CSMD1: variants seen among roughly 807,000 people sequenced by gnomAD.
The protein encoded by CSMD1 is CUB and Sushi multiple domains 1.
A neutral mutation model predicts 417.5 loss-of-function variants in CSMD1; 213 were observed. That is an observed-to-expected ratio of 0.51 (90% CI 0.46 to 0.57). The LOEUF (loss-of-function observed/expected upper bound fraction) is 0.57. Among genes scored for constraint, CSMD1 ranks in the 20% least tolerant of loss-of-function variants. CSMD1 has a pLI of 0.00. For missense variants in CSMD1, 6,923 were observed against 4,529.7 expected, an observed-to-expected ratio of 1.53 and a Z score of -15.17; for synonymous variants, 2,862 against 1,736.8, an observed-to-expected ratio of 1.65 and a Z score of -16.11.
intron 3 of CSMD1, among the ~76,000 whole-genome samples, chr8:4,215,449 T>G (rs1315441836): frequency 6.6e-6 from 1 of 152,078 alleles, no homozygotes; most frequent in African/African-American, 2.4e-5. Flanking sequence ...CAATGCTTCC[T>G]GAATATTTTA....
rs371665940 is a variant in CSMD1, at chr8:4,972,513, C to T, written c.85+21819G>A. Among the ~76,000 whole-genome samples the T allele has an allele frequency of 3.9e-4, 60 of 152,178 alleles. No individual in the cohort carries two copies. In the South Asian group the frequency reaches 5.8e-3, roughly 15 times the overall value. On this transcript the variant is annotated intron_variant, in intron 1 of 69. Transcript: ENST00000635120. Reference sequence around the variant, plus strand: ...AGAAGGTGCCTGACTTCCCCTTCACCTGCCATGATTGTAAGTTTCCTGAAG... The same window carrying T: ...AGAAGGTGCCTGACTTCCCCTTCACTTGCCATGATTGTAAGTTTCCTGAAG...
At chr8:4,107,898 C>G (rs73658575) in intron 3 of CSMD1, among the ~76,000 whole-genome samples, 1 of 152,204 alleles carries the variant, frequency 6.6e-6, no homozygotes, top group African/African-American at 2.4e-5. Context: ...TTCCTAAATA[C>G]AAACTGAAAC....
intron 3 of CSMD1, among the ~76,000 whole-genome samples, chr8:4,167,164 G>C (rs979703871): frequency 6.6e-6 from 1 of 152,086 alleles, no homozygotes; most frequent in African/African-American, 2.4e-5. Context: ...ACCTACTTCT[G>C]AAGTAGAAAA....
chr8:3,111,790 C>G (rs1267957852), intron 42 of CSMD1, among the ~76,000 whole-genome samples: 1 of 152,004 alleles, frequency 6.6e-6, no homozygotes, highest in South Asian at 2.1e-4. Context: ...CGAGATTGTG[C>G]CATTGCACTC....
At chr8:4,586,471 T>C (rs1159957687) in intron 2 of CSMD1, among the ~76,000 whole-genome samples, 1 of 152,186 alleles carries the variant, frequency 6.6e-6, no homozygotes, top group African/African-American at 2.4e-5. Flanking sequence ...TATTTACTGG[T>C]TTAATGATAA....
intron 49 of CSMD1, among the ~76,000 whole-genome samples, chr8:3,068,141 G>A (rs961183719): frequency 2.0e-5 from 3 of 151,968 alleles, no homozygotes; most frequent in Non-Finnish European, 4.4e-5. Flanking sequence ...TTGAACAGAG[G>A]TTCAAACACT....
intron 3 of CSMD1, among the ~76,000 whole-genome samples, chr8:4,163,949 C>A (rs542568793): frequency 6.6e-6 from 1 of 152,188 alleles, no homozygotes; most frequent in South Asian, 2.1e-4. Context: ...GTTTTCCAGG[C>A]TTCTCAAATT....
At chr8:4,859,226 A>T (rs1005358916) in intron 1 of CSMD1, among the ~76,000 whole-genome samples, 7 of 152,000 alleles carry the variant, frequency 4.6e-5, no homozygotes, top group Non-Finnish European at 1.0e-4. Flanking sequence ...TAGAAAGCTG[A>T]AACTGGATCC....
chr8:4,602,623 G>T (rs1289547162), intron 2 of CSMD1, among the ~76,000 whole-genome samples: 1 of 152,196 alleles, frequency 6.6e-6, no homozygotes, highest in Non-Finnish European at 1.5e-5. Context: ...AAAGAAGTTT[G>T]AAGGCGTATT....
At chr8:4,530,357 G>C (rs943921010) in intron 2 of CSMD1, among the ~76,000 whole-genome samples, 3 of 81,770 alleles carry the variant, frequency 3.7e-5, no homozygotes, top group Non-Finnish European at 5.2e-5. Context: ...TTTCAGTGCT[G>C]GGATACACTT....
chr8:3,856,470 A>G (rs184357966), intron 5 of CSMD1, among the ~76,000 whole-genome samples: 6 of 152,304 alleles, frequency 3.9e-5, no homozygotes, highest in Non-Finnish European at 7.3e-5. Context: ...ATGCTGCCCT[A>G]TGAGTTCTTA....
chr8:3,761,217 C>T (rs993678755), intron 5 of CSMD1, among the ~76,000 whole-genome samples: 2 of 151,968 alleles, frequency 1.3e-5, no homozygotes, highest in Non-Finnish European at 2.9e-5. Context: ...ATTGCAAGAA[C>T]ATGAAAAACA....
chr8:3,380,501 A>C (rs1419393296), intron 18 of CSMD1, among the ~76,000 whole-genome samples: 1 of 152,222 alleles, frequency 6.6e-6, no homozygotes, highest in Non-Finnish European at 1.5e-5. Flanking sequence ...AATGTCCATC[A>C]ATGATAGGCT....
Position 4,943,502 on chromosome 8 carries a change from ATAAAATG to A in CSMD1, c.85+50823_85+50829del, listed in dbSNP as rs1174981830. 6.4e-3 allele frequency among the ~76,000 whole-genome samples: 114 copies of A among 17,918 alleles called. 2 individuals carry two copies. The East Asian group carries it at 0.2, about 31-fold the overall frequency. The allele number at this position is 17,918 out of a possible 152,430, so 11.8% of individuals were successfully genotyped here. On this transcript the variant is annotated intron_variant, in intron 1 of 69. Transcript: ENST00000635120. ...CAGAGTGAGACACCGTCTCAAAAAA[ATAAAATG>A]AAATAAAATAAAATAAAATAAAATA...
chr8:3,645,631 C>T (rs1331692155), intron 7 of CSMD1, among the ~76,000 whole-genome samples: 1 of 152,136 alleles, frequency 6.6e-6, no homozygotes, highest in Non-Finnish European at 1.5e-5. Flanking sequence ...AGTCGGCCTT[C>T]TGCATTTGTA....
intron 1 of CSMD1, among the ~76,000 whole-genome samples, chr8:4,681,991 G>A (rs190378664): frequency 1.7e-3 from 263 of 152,248 alleles, no homozygotes; most frequent in African/African-American, 6.2e-3. Flanking sequence ...TAATACGCTT[G>A]AAAGGTTTAT....
intron 2 of CSMD1, among the ~76,000 whole-genome samples, chr8:4,446,047 G>T (rs544960613): frequency 2.0e-5 from 3 of 152,296 alleles, no homozygotes; most frequent in Non-Finnish European, 2.9e-5. Flanking sequence ...CACAGCCCAA[G>T]AAGAGGAGAC....
chr8:4,533,336 T>A (rs1210556624), intron 2 of CSMD1, among the ~76,000 whole-genome samples: 2 of 152,190 alleles, frequency 1.3e-5, no homozygotes, highest in African/African-American at 2.4e-5. Context: ...ATCAGTAGTT[T>A]AGAGTTAATT....
At chr8:3,345,582 T>G (rs948984839) in intron 22 of CSMD1, among the ~76,000 whole-genome samples, 2 of 152,178 alleles carry the variant, frequency 1.3e-5, no homozygotes, top group African/African-American at 4.8e-5. Flanking sequence ...GTACAACATT[T>G]CCTAGTTATA....
Sources: gnomAD v4.1 joint callset for allele counts (sites outside exome capture counted in the v4.1 genomes callset) on GRCh38, gnomAD v4.1.1 for gene constraint, MANE v1.5 for transcripts, NCBI Gene and HGNC (gene_info 2026-07-23, HGNC 2026-07-21) for gene names.